The following EFCAB13 variants were observed in gnomAD, a reference collection of about 807,000 sequenced individuals.
The protein encoded by EFCAB13 is EF-hand calcium binding domain 13, also known as EF-hand calcium-binding domain-containing protein 13.
EFCAB13 carries 91 observed loss-of-function variants against 110.2 expected under a neutral mutation model. The ratio of observed to expected loss-of-function variants is 0.83; its 90% CI spans 0.70 to 0.98. The LOEUF is 0.98. Ranked by LOEUF, EFCAB13 falls within the 50% of genes least tolerant of loss-of-function variation. EFCAB13 has a pLI of 0.00. For synonymous variants in EFCAB13, 323 were observed against 369.9 expected (o/e 0.87, Z 1.45); for missense variants, 968 against 1,119.4 (o/e 0.86, Z 1.93).
intron 15 of EFCAB13, among the ~76,000 whole-genome samples, chr17:47,393,484 A>T (rs1731127776): frequency 6.6e-6 from 1 of 152,206 alleles, no homozygotes. Flanking sequence ...CATGATATTC[A>T]TCCACAGAAT....
chr17:47,424,018 C>T (rs950449265), intron 23 of EFCAB13, among the ~76,000 whole-genome samples: 11 of 152,106 alleles, frequency 7.2e-5, no homozygotes, highest in African/African-American at 2.4e-4. Context: ...TGGACTCTGC[C>T]GCGCCGCCCG....
chr17:47,437,824 G>GGTTTTTT (rs1389072823), intron 24 of EFCAB13, among the ~76,000 whole-genome samples: 3 of 151,884 alleles, frequency 2.0e-5, no homozygotes, highest in Non-Finnish European at 4.4e-5. Context: ...TGAGTACTTT[G>GGTTTTTT]GTTTTTTGTT....
chr17:47,428,865 GAA>G (rs1036802761), intron 23 of EFCAB13, among the ~76,000 whole-genome samples: 2 of 152,038 alleles, frequency 1.3e-5, no homozygotes, highest in Non-Finnish European at 2.9e-5. Flanking sequence ...TTATGTAAGA[GAA>G]TGTTCTCATT....
At chr17:47,345,879 G>A (rs186971707) in intron 8 of EFCAB13, among the ~76,000 whole-genome samples, 1 of 151,964 alleles carries the variant, frequency 6.6e-6, no homozygotes, top group East Asian at 1.9e-4. Flanking sequence ...TGTTTCCTTT[G>A]GTATCTATTC....
chr17:47,413,113 C>T (rs1270403079), intron 22 of EFCAB13, among the ~76,000 whole-genome samples, 197 bp downstream of exon 22: 3 of 152,196 alleles, frequency 2.0e-5, no homozygotes, highest in African/African-American at 2.4e-5. Flanking sequence ...CATATGGATA[C>T]TATATGTGCT....
At chr17:47,370,776 T>C (rs555686931) in intron 11 of EFCAB13, among the ~76,000 whole-genome samples, 2 of 150,118 alleles carry the variant, frequency 1.3e-5, no homozygotes, top group Non-Finnish European at 3.0e-5. Context: ...AGTTTTGCTC[T>C]TGTTGCCCAG....
At chr17:47,330,563 G>A (rs910031391) in intron 4 of EFCAB13, among the ~76,000 whole-genome samples, 1 of 151,846 alleles carries the variant, frequency 6.6e-6, no homozygotes, top group Non-Finnish European at 1.5e-5. Context: ...TGGTTTTTTT[G>A]TTCCTGAGTT....
chr17:47,380,069 A>G (rs1475202616), intron 14 of EFCAB13, among the ~76,000 whole-genome samples: 2 of 152,062 alleles, frequency 1.3e-5, no homozygotes, highest in Non-Finnish European at 1.5e-5. Flanking sequence ...CTTTATGTTC[A>G]GTTTGTAAGC....
chr17:47,421,945 T>C lies in EFCAB13; in HGVS notation c.2494+7026T>C, dbSNP rs904256481. 6.6e-5 allele frequency among the ~76,000 whole-genome samples: 10 copies of C among 152,290 alleles called. No homozygotes were observed. The East Asian group carries it at 1.9e-3, about 29-fold the overall frequency. On this transcript the variant is annotated intron_variant, in intron 23 of 24. Transcript: ENST00000331493. ...TCAGAGTTTAGAAGCAGGAAGAACA[T>C]TTCCAACCTCATTTTATGAGGCCTA...
At chr17:47,374,415 G>T in intron 11 of EFCAB13, 57 bp from the exon 12 acceptor site, 1 of 1,329,500 alleles carries the variant, frequency 7.5e-7, no homozygotes, top group Non-Finnish European at 1.0e-6. Context: ...TGTTATTTTT[G>T]AAATGTATTG....
At chr17:47,349,549 A>G (rs1177941098) in intron 9 of EFCAB13, among the ~76,000 whole-genome samples, 2 of 152,108 alleles carry the variant, frequency 1.3e-5, no homozygotes, top group Non-Finnish European at 2.9e-5. Context: ...TCTATATATA[A>G]TGTCGACTGC....
At chr17:47,390,804 G>C (rs1441962686) in intron 14 of EFCAB13, among the ~76,000 whole-genome samples, 1 of 152,046 alleles carries the variant, frequency 6.6e-6, no homozygotes, top group Non-Finnish European at 1.5e-5. Context: ...ATAATATTTT[G>C]TTCCTATGTA....
chr17:47,380,909 G>A (rs1280979230), intron 14 of EFCAB13, among the ~76,000 whole-genome samples: 1 of 125,544 alleles, frequency 8.0e-6, no homozygotes, highest in African/African-American at 3.1e-5. Flanking sequence ...TTGAGACAAA[G>A]TCTCACTCTG....
chr17:47,390,344 A>ACACACACACACT (rs1358858365), intron 14 of EFCAB13, among the ~76,000 whole-genome samples: 1 of 151,848 alleles, frequency 6.6e-6, no homozygotes, highest in East Asian at 1.9e-4. Context: ...ACACACACAC[A>ACACACACACACT]CTTTCTCTCT....
chr17:47,331,789 C>T (rs989882746), intron 4 of EFCAB13, among the ~76,000 whole-genome samples: 1 of 152,094 alleles, frequency 6.6e-6, no homozygotes, highest in South Asian at 2.1e-4. Context: ...CATAGTTTTG[C>T]CTTTTCCAGA....
rs765826789 is a variant in EFCAB13 at position 47,335,179 on chromosome 17, G to A, written c.31-17G>A. 6.4e-7 allele frequency: 1 copy of A among 1,571,910 alleles called. No individual in the cohort carries two copies. Among genetic ancestry groups the A allele is most frequent in the Non-Finnish European group, 8.6e-7 (1 of 1,164,212 alleles). ...TGCAAAGAGGACATGCTTGATTGTG[G>A]CTCTTATATTCCCCAGGCAGAGGAA... On this transcript the variant is annotated splice_polypyrimidine_tract_variant and intron_variant, in intron 4 of 24. Coordinates refer to ENST00000331493, the MANE Select transcript of EFCAB13 (RefSeq NM_152347.5).
intron 21 of EFCAB13, 121 bp from the exon 22 acceptor site, chr17:47,412,652 C>G: frequency 9.7e-7 from 1 of 1,025,664 alleles, no homozygotes; most frequent in Non-Finnish European, 1.4e-6. Context: ...TATTGTGTTT[C>G]CTTTGGAGAG....
At chr17:47,390,562 GA>G (rs1480268744) in intron 14 of EFCAB13, among the ~76,000 whole-genome samples, 1 of 152,110 alleles carries the variant, frequency 6.6e-6, no homozygotes, top group Non-Finnish European at 1.5e-5. Flanking sequence ...CCAAATTTAT[GA>G]AGAGTAAATT....
chr17:47,393,093 G>C (rs2065716861), intron 15 of EFCAB13, among the ~76,000 whole-genome samples: 1 of 150,346 alleles, frequency 6.7e-6, no homozygotes, highest in Admixed American at 6.7e-5. Flanking sequence ...AGGTCATAAT[G>C]AGATACTTAA....
Sources: gnomAD v4.1 joint callset for allele counts (sites outside exome capture counted in the v4.1 genomes callset) on GRCh38, gnomAD v4.1.1 for gene constraint, MANE v1.5 for transcripts, NCBI Gene and HGNC (gene_info 2026-07-23, HGNC 2026-07-21) for gene names.